MIB1: variants seen among roughly 807,000 people sequenced by gnomAD.
MIB1 encodes the protein MIB E3 ubiquitin protein ligase 1.
A neutral mutation model predicts 124.5 loss-of-function variants in MIB1; 278 were observed. That is an observed-to-expected ratio of 2.23 (90% CI 2.02 to 2.47). The LOEUF (loss-of-function observed/expected upper bound fraction) is 2.47, where lower values mean the gene tolerates loss of function less well. Ranked by LOEUF, MIB1 falls within the 30% of genes most tolerant of loss-of-function variation. The probability of loss-of-function intolerance (pLI) is 0.00; values close to 1 mark genes in which losing one functional copy is unlikely to be tolerated. For synonymous variants in MIB1, 446 were observed against 429.4 expected, an observed-to-expected ratio of 1.04 and a Z score of -0.48; for missense variants, 957 against 1,254.4, an observed-to-expected ratio of 0.76 and a Z score of 3.58.
In MIB1 at chr18:21,838,446, T is replaced by C; in HGVS notation, c.1911T>C (p.His637=). 6.2e-7 allele frequency: 1 copy of C among 1,612,162 alleles called. No homozygotes were observed. Among genetic ancestry groups the C allele is most frequent in the Admixed American group, 1.7e-5 (1 of 59,834 alleles). ...AAGATGATGGTTATACTGCCTTACA[T>C]CTGGCTGCCCTTAATAATCACGTAG... ...EKKDDGYTAL[H]LAALNNHVEV... The change falls in exon 13 of 21, where the codon CAT becomes CAC. Residue 637 remains histidine, a synonymous_variant. Transcript: ENST00000261537.
intron 12 of MIB1, among the ~76,000 whole-genome samples, chr18:21,822,065 A>G (rs2041884085): frequency 6.6e-6 from 1 of 152,218 alleles, no homozygotes; most frequent in Non-Finnish European, 1.5e-5. Context: ...TCTTACTTTG[A>G]CAGTGAGCAC....
intron 15 of MIB1, among the ~76,000 whole-genome samples, chr18:21,846,245 G>A (rs2042133319): frequency 6.6e-6 from 1 of 152,146 alleles, no homozygotes; most frequent in Admixed American, 6.5e-5. Context: ...CCTTATTTAT[G>A]ACCATGGGTA....
chr18:21,728,324 C>G (rs2040752119), intron 1 of MIB1, among the ~76,000 whole-genome samples: 1 of 152,158 alleles, frequency 6.6e-6, no homozygotes, highest in Non-Finnish European at 1.5e-5. Context: ...GAAACCCCGT[C>G]TCTACTAACA....
intron 1 of MIB1, among the ~76,000 whole-genome samples, chr18:21,711,422 C>T (rs1386671101): frequency 6.6e-6 from 1 of 151,962 alleles, no homozygotes; most frequent in Non-Finnish European, 1.5e-5. Context: ...GTTGGGATTA[C>T]AGGTGCCTGC....
chr18:21,782,403 A>G (rs1330462709), intron 6 of MIB1, among the ~76,000 whole-genome samples: 2 of 152,332 alleles, frequency 1.3e-5, no homozygotes, highest in South Asian at 4.1e-4. Flanking sequence ...GATTATAGGC[A>G]TGAACCACTG....
intron 1 of MIB1, 68 bp from the exon 2 acceptor site, chr18:21,765,704 C>T (rs1474767208): frequency 2.1e-6 from 3 of 1,450,654 alleles, no homozygotes; most frequent in East Asian, 2.3e-5. Flanking sequence ...TATTTTTTTC[C>T]CCCAAGGAAT....
chr18:21,741,945 G>C lies in MIB1; in HGVS notation c.229+133G>C. On this transcript the variant is annotated intron_variant, in intron 1 of 20. Transcript: ENST00000261537. The surrounding 1 kb of genome is among the most constrained non-coding windows in gnomAD (Gnocchi z 5.4). Reference sequence around the variant, plus strand: ...AGCGCCCGGCTGGAGCGAGCGGAAAGGCAAAGCGCCAAAGGAATTCTAGGT... The same window carrying C: ...AGCGCCCGGCTGGAGCGAGCGGAAACGCAAAGCGCCAAAGGAATTCTAGGT... 1 of 771,790 alleles carries C rather than the reference G, an allele frequency of 1.3e-6. No homozygotes were observed. Among genetic ancestry groups the C allele is most frequent in the East Asian group, 2.9e-5 (1 of 34,674 alleles). 47.8% of individuals were successfully genotyped at this position (771,790 alleles called of 1,614,324 possible). A position where few individuals can be genotyped will look rare whatever the true frequency, so the allele number is the denominator to read the frequency against.
chr18:21,759,389 C>T (rs1044214346), intron 1 of MIB1, among the ~76,000 whole-genome samples: 31 of 151,964 alleles, frequency 2.0e-4, no homozygotes, highest in African/African-American at 5.8e-4. Flanking sequence ...ACTACAGGTG[C>T]GCACCACTGG....
intron 1 of MIB1, among the ~76,000 whole-genome samples, chr18:21,755,292 T>C (rs1449193565): frequency 1.3e-5 from 2 of 152,158 alleles, no homozygotes; most frequent in African/African-American, 4.8e-5. Flanking sequence ...CTTTAAACTT[T>C]TGTTTCTGAG....
chr18:21,798,167 C>A lies in MIB1; in HGVS notation c.1176C>A (p.Tyr392Ter), dbSNP rs748226232. 15 of 1,613,172 alleles carry A rather than the reference C, an allele frequency of 9.3e-6. No homozygotes were observed. Among genetic ancestry groups the A allele is most frequent in the East Asian group, 2.2e-5 (1 of 44,868 alleles). The change falls in exon 8 of 21, where the codon TAC (tyrosine) becomes TAA (stop). Residue 392 changes from tyrosine to a stop codon, truncating the protein, a stop_gained. Transcript: ENST00000261537. LOFTEE classifies it high-confidence loss of function. ...AAGTTTGTGGAACATCTTGGACATA[C>A]AATCCAGCAGCAGTTTCCAAGGTGG... is the stretch of plus-strand genomic sequence containing the variant. ...KVEVCGTSWT[Y>*]NPAAVSKVAS... is the part of the protein sequence containing the mutation.
chr18:21,793,781 C>CAAAAAAAAA lies in MIB1; in HGVS notation c.1092+2247_1092+2255dup, dbSNP rs67786932. Reference sequence around the variant, plus strand: ...TGGGCAACAGAGTGAGACCCTGTCTCAAAAAAAAAAAAAAAAAAAAAAAAA... The same window carrying CAAAAAAAAA: ...TGGGCAACAGAGTGAGACCCTGTCTCAAAAAAAAAAAAAAAAAAAAAAAAAAAAAAAAAA... On this transcript the variant is annotated intron_variant, in intron 7 of 20. Coordinates refer to ENST00000261537, the MANE Select transcript of MIB1 (RefSeq NM_020774.4). 4 of 29,564 alleles carry CAAAAAAAAA rather than the reference C, an allele frequency of 1.4e-4. 1 individual carries two copies. The highest frequency in any genetic ancestry group is 2.1e-4 in the Non-Finnish European group (3 of 14,288). 1.8% of individuals were successfully genotyped at this position (29,564 alleles called of 1,614,324 possible).
chr18:21,718,061 T>C (rs1464812741), intron 1 of MIB1, among the ~76,000 whole-genome samples: 3 of 152,140 alleles, frequency 2.0e-5, no homozygotes, highest in Admixed American at 2.0e-4. Flanking sequence ...TACTCAGCCA[T>C]AAGAAGGAAT....
At chr18:21,707,262 G>T (rs556947962) in intron 1 of MIB1, among the ~76,000 whole-genome samples, 1 of 152,298 alleles carries the variant, frequency 6.6e-6, no homozygotes, top group African/African-American at 2.4e-5. Context: ...GGGACTTGGA[G>T]AAATTTTGTG....
intron 17 of MIB1, among the ~76,000 whole-genome samples, chr18:21,851,645 A>G (rs2042181012): frequency 6.6e-6 from 1 of 152,226 alleles, no homozygotes; most frequent in African/African-American, 2.4e-5. Context: ...AAGGAAATTA[A>G]TTGAATTAAC....
upstream of MIB1, among the ~76,000 whole-genome samples, chr18:21,737,745 C>T (rs1439722686): frequency 6.6e-6 from 1 of 152,172 alleles, no homozygotes; most frequent in Non-Finnish European, 1.5e-5. Context: ...TCTGATGAAA[C>T]AGACTTTAAA....
chr18:21,805,947 A>G (rs1598620079), intron 10 of MIB1, among the ~76,000 whole-genome samples: 1 of 116,098 alleles, frequency 8.6e-6, no homozygotes, highest in African/African-American at 3.5e-5. Context: ...CCTGTTGCCC[A>G]GGCTGGAATG....
chr18:21,799,742 A>C, intron 8 of MIB1, 99 bp from the exon 9 acceptor site: 1 of 1,175,068 alleles, frequency 8.5e-7, no homozygotes, highest in Non-Finnish European at 1.2e-6. Context: ...GGAAAGAATA[A>C]AATAGGAAAA....
chr18:21,788,901 A>C (rs2041469690), intron 6 of MIB1, among the ~76,000 whole-genome samples: 1 of 152,252 alleles, frequency 6.6e-6, no homozygotes, highest in Non-Finnish European at 1.5e-5. Flanking sequence ...GAATAAATTT[A>C]ACCAAGGAGA....
At chr18:21,739,649 G>A (rs564994311), upstream of MIB1, among the ~76,000 whole-genome samples, 48 of 152,216 alleles carry the variant, frequency 3.2e-4, no homozygotes, top group African/African-American at 1.1e-3. Context: ...GGCTGAGGTG[G>A]GAGGATTGCT....
Sources: allele counts gnomAD v4.1 joint callset (sites outside exome capture counted in the v4.1 genomes callset), GRCh38; gene constraint gnomAD v4.1.1; non-coding constraint Gnocchi (gnomAD v3.1); transcripts MANE v1.5; gene names NCBI Gene and HGNC (gene_info 2026-07-23, HGNC 2026-07-21).